Variants in ZNF560 observed in about 807,000 individuals in gnomAD.
ZNF560 encodes the protein zinc finger protein 560.
A neutral mutation model predicts 81.8 loss-of-function variants in ZNF560; 54 were observed. The ratio of observed to expected loss-of-function variants is 0.66; its 90% CI spans 0.53 to 0.83. The LOEUF is 0.83. Among genes scored for constraint, ZNF560 ranks in the 40% least tolerant of loss-of-function variants. The pLI is 0.00. For synonymous variants in ZNF560, 321 were observed against 317.9 expected (o/e 1.01, Z -0.10); for missense variants, 940 against 932.4 (o/e 1.01, Z -0.11).
intron 3 of ZNF560, among the ~76,000 whole-genome samples, chr19:9,474,771 G>A (rs2073173964): frequency 6.6e-6 from 1 of 150,536 alleles, no homozygotes; most frequent in Admixed American, 6.6e-5. Flanking sequence ...TGATCGTCCT[G>A]CCTCAGCCTC....
In ZNF560 at chr19:9,469,614, C is replaced by G. The variant is rs1467011040; in HGVS notation, c.529+16G>C. On this transcript the variant is annotated intron_variant, in intron 8 of 9. Coordinates refer to ENST00000301480, the MANE Select transcript of ZNF560 (RefSeq NM_152476.3). Reference sequence around the variant, plus strand: ...GAACTTCTCATGGACCAGGGTTGTTCTTCACAAACACTCACCTTGGAGAAC... The same window carrying G: ...GAACTTCTCATGGACCAGGGTTGTTGTTCACAAACACTCACCTTGGAGAAC... The G allele has an allele frequency of 1.2e-6, 2 of 1,613,124 alleles. No homozygotes were observed. Among genetic ancestry groups the G allele is most frequent in the Admixed American group, 3.3e-5 (2 of 60,014 alleles).
chr19:9,479,686 A>G (rs2073255574), intron 2 of ZNF560, among the ~76,000 whole-genome samples: 1 of 152,174 alleles, frequency 6.6e-6, no homozygotes, highest in African/African-American at 2.4e-5. Context: ...ATATGTGCAC[A>G]TATTTTCCCT....
intron 2 of ZNF560, among the ~76,000 whole-genome samples, chr19:9,477,376 T>C (rs950441013): frequency 3.9e-5 from 6 of 152,190 alleles, no homozygotes; most frequent in Non-Finnish European, 2.9e-5. Flanking sequence ...TCTAATCCTC[T>C]GTGGTTGTTA....
At chr19:9,477,221 A>T (rs1174430643) in intron 2 of ZNF560, among the ~76,000 whole-genome samples, 1 of 152,104 alleles carries the variant, frequency 6.6e-6, no homozygotes, top group Non-Finnish European at 1.5e-5. Flanking sequence ...ACATATATAC[A>T]TATATATATG....
rs775396039 is a variant in ZNF560, at chr19:9,466,576, A to C, written c.2371T>G (p.Ter791GluextTer7). ...SARIAHLKTH* is the reference protein window; with the variant it reads ...SARIAHLKTHE ...CTTCACATCCACAGGGCTTCTCTCT[A>C]GTGTGTTTTCAAATGTGCAATACGA... Residue 791 changes from the stop codon to glutamate (E), a stop_lost, in exon 10 of 10, where the codon TAG (stop) becomes GAG (glutamate). Coordinates refer to ENST00000301480, the MANE Select transcript of ZNF560 (RefSeq NM_152476.3). 3 of 1,588,612 alleles carry C rather than the reference A, an allele frequency of 1.9e-6. No individual in the cohort carries two copies. The highest frequency in any genetic ancestry group is 3.5e-5 in the Admixed American group (2 of 57,024).
At chr19:9,505,212 C>A in the ZNF560 span, among the ~76,000 whole-genome samples, 4 of 152,210 alleles carry the variant, frequency 2.6e-5, no homozygotes, top group African/African-American at 9.6e-5. Context: ...AGGCATATAC[C>A]ATCATGCATG....
At chr19:9,465,547 T>A (rs945147246), downstream of ZNF560, among the ~76,000 whole-genome samples, 7 of 152,188 alleles carry the variant, frequency 4.6e-5, no homozygotes. Flanking sequence ...TGGAGCATCA[T>A]CAGAGTGTAA....
intron 9 of ZNF560, 44 bp from the exon 10 acceptor site, chr19:9,468,378 C>T: frequency 7.1e-7 from 1 of 1,405,340 alleles, no homozygotes; most frequent in Non-Finnish European, 9.7e-7. Context: ...TTTTAGCAGA[C>T]TTATTAATAG....
chr19:9,460,854 G>A, the ZNF560 span, among the ~76,000 whole-genome samples: 1 of 152,200 alleles, frequency 6.6e-6, no homozygotes, highest in Non-Finnish European at 1.5e-5. Flanking sequence ...GGTGCTGCAT[G>A]ATTCCTATGG....
chr19:9,471,448 T>A, intron 5 of ZNF560, 70 bp from the exon 6 acceptor site: 1 of 1,006,716 alleles, frequency 9.9e-7, no homozygotes, highest in Non-Finnish European at 1.4e-6. Context: ...GAGTTAAAAA[T>A]TATAGGCCTC....
At chr19:9,459,771 T>C in the ZNF560 span, among the ~76,000 whole-genome samples, 11 of 152,064 alleles carry the variant, frequency 7.2e-5, no homozygotes, top group Non-Finnish European at 1.5e-4. Flanking sequence ...GGAGAATAGG[T>C]TCTTCTAACT....
chr19:9,461,914 G>A (rs2072937926), downstream of ZNF560, among the ~76,000 whole-genome samples: 1 of 152,218 alleles, frequency 6.6e-6, no homozygotes, highest in South Asian at 2.1e-4. Context: ...GCTTGAAGGA[G>A]TTGCAGATGG....
At chr19:9,481,681 C>G (rs965742149) in intron 2 of ZNF560, among the ~76,000 whole-genome samples, 1 of 152,216 alleles carries the variant, frequency 6.6e-6, no homozygotes, top group South Asian at 2.1e-4. Flanking sequence ...AAATGCTCAT[C>G]ATCACTGGTC....
intron 2 of ZNF560, among the ~76,000 whole-genome samples, chr19:9,491,825 CAAA>C (rs1337657281): frequency 3.5e-5 from 1 of 28,944 alleles, no homozygotes; most frequent in Admixed American, 3.4e-4. Flanking sequence ...GACTCCGTCT[CAAA>C]AAAAAAAAAA....
chr19:9,483,406 G>T (rs2073327630), intron 2 of ZNF560, among the ~76,000 whole-genome samples: 1 of 151,704 alleles, frequency 6.6e-6, no homozygotes, highest in South Asian at 2.1e-4. Context: ...CGTCTGAGAA[G>T]TGAGGAGCCC....
intron 2 of ZNF560, among the ~76,000 whole-genome samples, chr19:9,485,488 CAG>C (rs912389781): frequency 8.0e-5 from 11 of 138,266 alleles, no homozygotes; most frequent in African/African-American, 3.0e-4. Context: ...GCCTGGACGA[CAG>C]AGCAAGACTA....
intron 2 of ZNF560, among the ~76,000 whole-genome samples, chr19:9,494,796 A>T (rs2073530190): frequency 6.6e-6 from 1 of 152,144 alleles, no homozygotes; most frequent in Admixed American, 6.6e-5. Context: ...AATCCCAGCT[A>T]CTCAGTAGGC....
chr19:9,505,441 G>A, the ZNF560 span, among the ~76,000 whole-genome samples: 3 of 152,156 alleles, frequency 2.0e-5, no homozygotes, highest in Middle Eastern at 3.2e-3. Flanking sequence ...GACAGAATAC[G>A]ATTTGATCAT....
At chr19:9,494,986 T>G (rs2073534751) in intron 2 of ZNF560, among the ~76,000 whole-genome samples, 1 of 152,090 alleles carries the variant, frequency 6.6e-6, no homozygotes, top group African/African-American at 2.4e-5. Context: ...GCACAGCCTC[T>G]AGCAACAGCC....
Sources: gnomAD v4.1 joint callset for allele counts (sites outside exome capture counted in the v4.1 genomes callset) on GRCh38, gnomAD v4.1.1 for gene constraint, MANE v1.5 for transcripts, NCBI Gene and HGNC (gene_info 2026-07-23, HGNC 2026-07-21) for gene names.